Variants in ABCA10 observed in about 807,000 individuals in gnomAD.
The protein encoded by ABCA10 is ATP binding cassette subfamily A member 10.
In ABCA10, 169 loss-of-function variants were observed where a neutral mutation model predicts 187.5. The observed-to-expected ratio is 0.90, with a 90% CI of 0.80 to 1.02. The LOEUF (loss-of-function observed/expected upper bound fraction) is 1.02. Ranked by LOEUF, ABCA10 falls within the 50% of genes least tolerant of loss-of-function variation. The pLI, the probability that ABCA10 is intolerant of heterozygous loss-of-function variation, is 0.00. For missense variants in ABCA10, 1,727 were observed against 1,812.4 expected, an observed-to-expected ratio of 0.95 and a Z score of 0.86; for synonymous variants, 574 against 601.8, an observed-to-expected ratio of 0.95 and a Z score of 0.68.
At chr17:69,224,736 T>C (rs905627620) in intron 3 of ABCA10, among the ~76,000 whole-genome samples, 2 of 151,812 alleles carry the variant, frequency 1.3e-5, no homozygotes, top group Non-Finnish European at 2.9e-5. Flanking sequence ...GGCTGTGAAT[T>C]TGTTGACTTT....
At chr17:69,220,102 T>C (rs1332911448) in intron 5 of ABCA10, among the ~76,000 whole-genome samples, 1 of 152,224 alleles carries the variant, frequency 6.6e-6, no homozygotes, top group African/African-American at 2.4e-5. Context: ...AATAAATCAT[T>C]GCATAATAAA....
At chr17:69,174,929 G>T in intron 23 of ABCA10, 152 bp from the exon 24 acceptor site, 1 of 609,674 alleles carries the variant, frequency 1.6e-6, no homozygotes, top group Non-Finnish European at 2.5e-6. Context: ...CATCTCCAAT[G>T]GAAATGTGTA....
intron 9 of ABCA10, among the ~76,000 whole-genome samples, chr17:69,203,974 G>A (rs1307251165): frequency 6.6e-6 from 1 of 152,110 alleles, no homozygotes; most frequent in Non-Finnish European, 1.5e-5. Flanking sequence ...ATCTGACAAG[G>A]TGAAAATTTT....
intron 3 of ABCA10, among the ~76,000 whole-genome samples, chr17:69,223,934 T>C (rs180699495): frequency 1.4e-4 from 22 of 152,196 alleles, no homozygotes; most frequent in Admixed American, 9.2e-4. Context: ...ACAGGAAGAA[T>C]AGTCCCTGAG....
Position 69,148,677 on chromosome 17 carries a change from TA to T in ABCA10, c.*149del. On this transcript the variant is annotated 3_prime_UTR_variant, in exon 39 of 39. Coordinates refer to ENST00000690296, the MANE Select transcript of ABCA10 (RefSeq NM_001377321.1). ...CTATATTTCCTTGTTTCCTTCATCC[TA>T]AATTTTTAAAAATGAAAACTGTAAT... The T allele has an allele frequency of 1.4e-6, 1 of 706,712 alleles. No homozygotes were observed. Among genetic ancestry groups the T allele is most frequent in the Non-Finnish European group, 2.2e-6 (1 of 447,034 alleles). 43.8% of individuals were successfully genotyped at this position (706,712 alleles called of 1,614,324 possible).
In ABCA10 at chr17:69,153,418, C is replaced by T. The variant is rs1364829493; in HGVS notation, c.4042-19G>A. 1 of 1,613,400 alleles carries T rather than the reference C, an allele frequency of 6.2e-7. No homozygotes were observed. Among genetic ancestry groups the T allele is most frequent in the Non-Finnish European group, 8.5e-7 (1 of 1,179,684 alleles). ...AGCACAGCTGCAATGCAAGGAACAG[C>T]CCGTCGGCACCCAGCCATGGGTGCA... is the stretch of plus-strand genomic sequence containing the variant. On this transcript the variant is annotated intron_variant, in intron 33 of 38. Transcript: ENST00000690296.
chr17:69,180,022 C>G (rs1419831967), intron 22 of ABCA10, among the ~76,000 whole-genome samples: 1 of 152,190 alleles, frequency 6.6e-6, no homozygotes, highest in Non-Finnish European at 1.5e-5. Context: ...CAAAGGCTAA[C>G]TGTAACATGC....
At chr17:69,180,122 T>C (rs952394706) in intron 22 of ABCA10, among the ~76,000 whole-genome samples, 1 of 152,188 alleles carries the variant, frequency 6.6e-6, no homozygotes, top group Admixed American at 6.6e-5. Flanking sequence ...ACGTCTACTT[T>C]ATGAGGTAGA....
Position 69,193,263 on chromosome 17 carries a change from A to G in ABCA10, c.1642-15T>C. On this transcript the variant is annotated splice_polypyrimidine_tract_variant and intron_variant, in intron 14 of 38. Transcript: ENST00000690296. ...AGCAGCAAAACCTACAGAGGAGGAA[A>G]CGTATGAAAGCATCTTCCTCTTCAC... The G allele has an allele frequency of 6.2e-7, 1 of 1,607,280 alleles. No individual in the cohort carries two copies. Among genetic ancestry groups the G allele is most frequent in the Non-Finnish European group, 8.5e-7 (1 of 1,178,176 alleles).
chr17:69,194,273 T>C, intron 12 of ABCA10, 112 bp downstream of exon 12: 1 of 904,860 alleles, frequency 1.1e-6, no homozygotes, highest in Non-Finnish European at 1.7e-6. Context: ...TTTCCTGCTC[T>C]AAATTATTCA....
intron 9 of ABCA10, among the ~76,000 whole-genome samples, chr17:69,202,950 A>G (rs999814225): frequency 5.9e-5 from 9 of 152,220 alleles, no homozygotes; most frequent in Non-Finnish European, 1.3e-4. Context: ...GAATTTTCAC[A>G]TGTAATATTT....
chr17:69,213,035 G>A (rs1020295989), intron 9 of ABCA10, among the ~76,000 whole-genome samples: 1 of 152,220 alleles, frequency 6.6e-6, no homozygotes, highest in African/African-American at 2.4e-5. Context: ...AAGTTGCCAC[G>A]TGGACAGACT....
At chr17:69,221,200 A>G (rs2074745070) in intron 5 of ABCA10, among the ~76,000 whole-genome samples, 1 of 152,180 alleles carries the variant, frequency 6.6e-6, no homozygotes, top group African/African-American at 2.4e-5. Context: ...TTTAGTTGAA[A>G]TATCAAGTAA....
intron 6 of ABCA10, among the ~76,000 whole-genome samples, chr17:69,218,263 C>A (rs975107495): frequency 2.6e-5 from 4 of 152,100 alleles, no homozygotes; most frequent in African/African-American, 9.7e-5. Context: ...TTTTCTATCT[C>A]CTTTTCCCCC....
intron 20 of ABCA10, among the ~76,000 whole-genome samples, chr17:69,183,430 G>C (rs1002086373): frequency 6.6e-6 from 1 of 152,018 alleles, no homozygotes; most frequent in Non-Finnish European, 1.5e-5. Context: ...AACCACCCCC[G>C]CACCAAGGGA....
chr17:69,204,969 A>G (rs901961940), intron 9 of ABCA10, among the ~76,000 whole-genome samples: 5 of 152,216 alleles, frequency 3.3e-5, no homozygotes, highest in Admixed American at 6.5e-5. Context: ...TATCTACAAA[A>G]TTACCAAAAT....
intron 25 of ABCA10, 50 bp downstream of exon 25, chr17:69,174,231 A>T: frequency 7.3e-7 from 1 of 1,367,518 alleles, no homozygotes; most frequent in Admixed American, 2.5e-5. Flanking sequence ...GCATTTAAAA[A>T]AACTTCAAGG....
Position 69,165,223 on chromosome 17 carries a change from C to A in ABCA10, c.3163-140G>T, listed in dbSNP as rs9896028. Reference sequence around the variant, plus strand: ...ACAGATAGAAATATTCTTAGGATATCCTCTTTAGGAAGTCTCAAACTTTCA... The same window carrying A: ...ACAGATAGAAATATTCTTAGGATATACTCTTTAGGAAGTCTCAAACTTTCA... On this transcript the variant is annotated intron_variant, in intron 25 of 38. Coordinates refer to ENST00000690296, the MANE Select transcript of ABCA10 (RefSeq NM_001377321.1). 0.028 allele frequency: 20,244 copies of A among 720,212 alleles called. 3,084 individuals are homozygous for A. In the African/African-American group the frequency reaches 0.32, roughly 11 times the overall value. 44.6% of individuals were successfully genotyped at this position (720,212 alleles called of 1,614,324 possible).
At chr17:69,186,330 G>A (rs746447446) in intron 19 of ABCA10, among the ~76,000 whole-genome samples, 1 of 151,574 alleles carries the variant, frequency 6.6e-6, no homozygotes. Flanking sequence ...TCTTATCGCC[G>A]CCAAAAGAAA....
Sources: allele counts gnomAD v4.1 joint callset (sites outside exome capture counted in the v4.1 genomes callset), GRCh38; gene constraint gnomAD v4.1.1; transcripts MANE v1.5; gene names NCBI Gene and HGNC (gene_info 2026-07-23, HGNC 2026-07-21).